Variants in ITGA9 observed in about 807,000 individuals in gnomAD.
ITGA9 encodes the protein integrin alpha-9.
In ITGA9, 56 loss-of-function variants were observed where a neutral mutation model predicts 127.8. The ratio of observed to expected loss-of-function variants is 0.44; its 90% CI spans 0.35 to 0.55. The LOEUF (loss-of-function observed/expected upper bound fraction) is 0.55. Ranked by LOEUF, ITGA9 falls within the 20% of genes least tolerant of loss-of-function variation. ITGA9 has a pLI of 0.00. For missense variants in ITGA9, 1,196 were observed against 1,347.1 expected, an observed-to-expected ratio of 0.89 and a Z score of 1.76; for synonymous variants, 508 against 514.5, an observed-to-expected ratio of 0.99 and a Z score of 0.17.
intron 15 of ITGA9, among the ~76,000 whole-genome samples, chr3:37,609,266 A>G (rs1368139629): frequency 6.6e-6 from 1 of 152,102 alleles, no homozygotes; most frequent in Non-Finnish European, 1.5e-5. Context: ...TCTTCTTCCT[A>G]TGAATTTTTA....
intron 15 of ITGA9, among the ~76,000 whole-genome samples, chr3:37,570,619 A>G (rs1175855408): frequency 6.6e-6 from 1 of 152,262 alleles, no homozygotes; most frequent in Non-Finnish European, 1.5e-5. Context: ...GGTGAGGACC[A>G]CTGGGAACAT....
intron 16 of ITGA9, among the ~76,000 whole-genome samples, chr3:37,640,503 C>T (rs1463946208): frequency 1.3e-5 from 2 of 152,102 alleles, no homozygotes; most frequent in Admixed American, 6.5e-5. Flanking sequence ...TGGATTCTCC[C>T]CCAGGGCCTC....
At chr3:37,602,838 A>G (rs1389689795) in intron 15 of ITGA9, among the ~76,000 whole-genome samples, 2 of 152,194 alleles carry the variant, frequency 1.3e-5, no homozygotes, top group African/African-American at 4.8e-5. Context: ...CTGAGGTTCA[A>G]AAAGGGTAAA....
intron 15 of ITGA9, among the ~76,000 whole-genome samples, chr3:37,613,399 T>C (rs776092601): frequency 1.4e-4 from 22 of 152,314 alleles, no homozygotes; most frequent in Non-Finnish European, 2.8e-4. Flanking sequence ...GTCTTTGCTA[T>C]TGTGAATAGT....
intron 16 of ITGA9, among the ~76,000 whole-genome samples, chr3:37,647,023 G>T (rs1008993412): frequency 6.6e-6 from 1 of 152,028 alleles, no homozygotes; most frequent in African/African-American, 2.4e-5. Context: ...TTGGCCATTT[G>T]CCCAAAGAGA....
rs568141595 is a variant in ITGA9, at chr3:37,595,260, A to G, written c.1690-33927A>G. Among the ~76,000 whole-genome samples, 17 of 152,160 alleles carry G rather than the reference A, an allele frequency of 1.1e-4. 1 individual carries two copies. Among genetic ancestry groups the G allele is most frequent in the South Asian group, 4.2e-4 (2 of 4,818 alleles). ...GCTGGGCAGTGTCAGCAGCTCTCCT[A>G]TGGCCAGCTCCACCACCAGGTCAGA... On this transcript the variant is annotated intron_variant, in intron 15 of 27. Transcript: ENST00000264741.
At chr3:37,522,344 A>C (rs1474882790) in intron 11 of ITGA9, among the ~76,000 whole-genome samples, 1 of 152,180 alleles carries the variant, frequency 6.6e-6, no homozygotes, top group Non-Finnish European at 1.5e-5. Flanking sequence ...ACGAATGTTG[A>C]TGCGCAGCTT....
At chr3:37,470,878 A>G (rs1326085590) in intron 1 of ITGA9, 129 bp from the exon 2 acceptor site, 4 of 918,314 alleles carry the variant, frequency 4.4e-6, no homozygotes, top group East Asian at 2.6e-5. Context: ...CCCACACAGA[A>G]AAGTATAATA....
intron 15 of ITGA9, among the ~76,000 whole-genome samples, chr3:37,551,331 G>A (rs934334121): frequency 6.6e-6 from 1 of 152,146 alleles, no homozygotes; most frequent in East Asian, 1.9e-4. Flanking sequence ...CTCTGAAGAC[G>A]CATGAATTGC....
At chr3:37,730,178 T>C (rs1696270453) in intron 18 of ITGA9, among the ~76,000 whole-genome samples, 1 of 152,208 alleles carries the variant, frequency 6.6e-6, no homozygotes, top group African/African-American at 2.4e-5. Flanking sequence ...CATACACTTA[T>C]ATATATTTGC....
chr3:37,571,396 A>G (rs1385473374), intron 15 of ITGA9, among the ~76,000 whole-genome samples: 1 of 152,204 alleles, frequency 6.6e-6, no homozygotes, highest in Non-Finnish European at 1.5e-5. Context: ...GTGGGTATTG[A>G]GTGGGAAGTG....
At chr3:37,467,154 A>C (rs980802695) in intron 1 of ITGA9, among the ~76,000 whole-genome samples, 2 of 152,202 alleles carry the variant, frequency 1.3e-5, no homozygotes, top group African/African-American at 2.4e-5. Context: ...TTCTGTAAAC[A>C]CATAGATACA....
intron 2 of ITGA9, among the ~76,000 whole-genome samples, chr3:37,472,808 G>A (rs2125554079): frequency 6.6e-6 from 1 of 152,282 alleles, no homozygotes; most frequent in Middle Eastern, 3.4e-3. Context: ...GCTTACTTCA[G>A]AACATAAATC....
At position 37,665,762 on chromosome 3, in the gene ITGA9, G is replaced by A. The variant is rs565907502; in HGVS notation, c.1916+11972G>A. 3.0e-3 allele frequency among the ~76,000 whole-genome samples: 463 copies of A among 152,270 alleles called. 4 individuals carry two copies. The highest frequency in any genetic ancestry group is 0.01 in the Middle Eastern group (3 of 294). ...GAGCCACCGTGCCCAGCCTGATGTG[G>A]GCTTTCTAGGAGGGGGCAGCAGATG... On this transcript the variant is annotated intron_variant, in intron 17 of 27. Transcript: ENST00000264741.
Position 37,800,989 on chromosome 3 carries a change from A to G in ITGA9, c.2890-2834A>G, listed in dbSNP as rs550481308. ...AGACCAGCCAGGCCAACATGGTGAA[A>G]CCCTGTCTCTATGAAAAATACAAAA... On this transcript the variant is annotated intron_variant, in intron 26 of 27. Coordinates refer to ENST00000264741, the MANE Select transcript of ITGA9 (RefSeq NM_002207.3). Among the ~76,000 whole-genome samples, 68 of 152,184 alleles carry G rather than the reference A, an allele frequency of 4.5e-4. 1 individual carries two copies. In the South Asian group the frequency reaches 0.014, roughly 31 times the overall value.
intron 5 of ITGA9, among the ~76,000 whole-genome samples, chr3:37,495,402 C>T (rs1559520336): frequency 6.6e-6 from 1 of 152,196 alleles, no homozygotes; most frequent in Non-Finnish European, 1.5e-5. Flanking sequence ...GTCATTCTTA[C>T]TTACTGTAAG....
chr3:37,502,213 C>CTTTT (rs910743416), intron 5 of ITGA9, among the ~76,000 whole-genome samples: 19 of 111,826 alleles, frequency 1.7e-4, no homozygotes, highest in East Asian at 2.6e-4. Context: ...GTTCTTGAGT[C>CTTTT]TTTTTTTTTT....
chr3:37,805,601 G>A lies in ITGA9; in HGVS notation c.3009+1659G>A, dbSNP rs577770416. On this transcript the variant is annotated intron_variant, in intron 27 of 27. Coordinates refer to ENST00000264741, the MANE Select transcript of ITGA9 (RefSeq NM_002207.3). ...AAATCTTTCATTATGTCGTTAGGTTGAAAGCCTAGAAATAGAATTGCCATC... is the reference window on the plus strand; with the variant it reads ...AAATCTTTCATTATGTCGTTAGGTTAAAAGCCTAGAAATAGAATTGCCATC... Among the ~76,000 whole-genome samples, 13 of 152,220 alleles carry A rather than the reference G, an allele frequency of 8.5e-5. No homozygotes were observed. The East Asian group carries it at 2.3e-3, about 27-fold the overall frequency.
At chr3:37,796,637 C>T (rs1697177531) in intron 26 of ITGA9, among the ~76,000 whole-genome samples, 1 of 152,116 alleles carries the variant, frequency 6.6e-6, no homozygotes, top group Non-Finnish European at 1.5e-5. Flanking sequence ...ATAACATTTG[C>T]AAATATATTT....
Sources: allele counts gnomAD v4.1 joint callset (sites outside exome capture counted in the v4.1 genomes callset), GRCh38; gene constraint gnomAD v4.1.1; transcripts MANE v1.5; gene names NCBI Gene and HGNC (gene_info 2026-07-23, HGNC 2026-07-21).